The following ALMS1 variants were observed in gnomAD, a reference collection of about 807,000 sequenced individuals.
ALMS1 encodes ALMS1 centrosome and basal body associated protein.
In ALMS1, 271 loss-of-function variants were observed where a neutral mutation model predicts 352.2. That is an observed-to-expected ratio of 0.77 (90% CI 0.70 to 0.85). ALMS1 has a LOEUF of 0.85. ALMS1 is among the 40% of genes least tolerant of loss of function. The pLI, the probability that ALMS1 is intolerant of heterozygous loss-of-function variation, is 0.00. For synonymous variants in ALMS1, 1,865 were observed against 1,761.2 expected (o/e 1.06, Z -1.48); for missense variants, 5,445 against 4,870.7 (o/e 1.12, Z -3.51).
intron 7 of ALMS1, among the ~76,000 whole-genome samples, chr2:73,442,561 A>G (rs1012393841): frequency 7.2e-5 from 11 of 152,152 alleles, no homozygotes; most frequent in Non-Finnish European, 1.3e-4. Context: ...AATTTCTATT[A>G]TATACTTAAC....
At chr2:73,429,367 C>T (rs558591194) in intron 6 of ALMS1, among the ~76,000 whole-genome samples, 1 of 150,658 alleles carries the variant, frequency 6.6e-6, no homozygotes, top group South Asian at 2.1e-4. Context: ...CTGCAACCTC[C>T]ATCTCCTGGG....
At chr2:73,582,455 A>G (rs1196204529) in intron 16 of ALMS1, among the ~76,000 whole-genome samples, 2 of 152,200 alleles carry the variant, frequency 1.3e-5, no homozygotes, top group Non-Finnish European at 2.9e-5. Context: ...TATTCACACT[A>G]TGTTGAAACC....
chr2:73,475,104 T>TA (rs1672556675), intron 9 of ALMS1, among the ~76,000 whole-genome samples: 1 of 152,196 alleles, frequency 6.6e-6, no homozygotes, highest in African/African-American at 2.4e-5. Flanking sequence ...ATTGCCAAAT[T>TA]ACATTTCATT....
chr2:73,582,736 T>A (rs1354634906), intron 16 of ALMS1, among the ~76,000 whole-genome samples: 3 of 152,232 alleles, frequency 2.0e-5, no homozygotes, highest in Non-Finnish European at 4.4e-5. Context: ...TATGATATTC[T>A]ACTGTTTACA....
intron 10 of ALMS1, among the ~76,000 whole-genome samples, chr2:73,508,254 G>A (rs1005753533): frequency 1.4e-5 from 2 of 138,570 alleles, no homozygotes; most frequent in African/African-American, 5.5e-5. Flanking sequence ...CCAGGCTGGA[G>A]TGCAGTGGCG....
At chr2:73,562,820 G>A (rs1265867054) in intron 15 of ALMS1, among the ~76,000 whole-genome samples, 1 of 152,070 alleles carries the variant, frequency 6.6e-6, no homozygotes, top group Non-Finnish European at 1.5e-5. Flanking sequence ...CCGGGAGACA[G>A]AGGTTGCAGT....
intron 21 of ALMS1, chr2:73,603,532 A>G (rs1427586254): frequency 1.1e-5 from 6 of 524,816 alleles, no homozygotes; most frequent in Non-Finnish European, 6.9e-6. Flanking sequence ...TGCATGTCTT[A>G]GGCTCCTCTT....
At chr2:73,391,339 G>A (rs1274315236) in intron 1 of ALMS1, among the ~76,000 whole-genome samples, 1 of 134,842 alleles carries the variant, frequency 7.4e-6, no homozygotes, top group Non-Finnish European at 1.5e-5. Flanking sequence ...TGTCACCCAG[G>A]CTGGAGTGCA....
At chr2:73,562,083 G>A (rs140492253) in intron 15 of ALMS1, among the ~76,000 whole-genome samples, 1 of 152,196 alleles carries the variant, frequency 6.6e-6, no homozygotes, top group East Asian at 1.9e-4. Context: ...GATATCTGTT[G>A]TTGCCTCTAA....
chr2:73,460,614 C>T (rs919353008), intron 9 of ALMS1, among the ~76,000 whole-genome samples: 11 of 152,160 alleles, frequency 7.2e-5, no homozygotes, highest in South Asian at 4.1e-4. Context: ...TGCAGCGCAC[C>T]ATTCACAAGC....
chr2:73,583,704 G>A (rs1675248090), intron 16 of ALMS1, among the ~76,000 whole-genome samples: 1 of 152,108 alleles, frequency 6.6e-6, no homozygotes, highest in South Asian at 2.1e-4. Context: ...TTTGCATGTG[G>A]ATATCCAGTT....
intron 12 of ALMS1, among the ~76,000 whole-genome samples, chr2:73,543,322 G>T (rs1444962611): frequency 6.6e-6 from 1 of 152,172 alleles, no homozygotes; most frequent in African/African-American, 2.4e-5. Context: ...TATGTAGAAA[G>T]CTGAAAGTGG....
Position 73,424,845 on chromosome 2 carries a change from T to C in ALMS1, c.1180T>C (p.Tyr394His). The change falls in exon 5 of 23, where the codon TAT becomes CAT. Residue 394 changes from tyrosine to histidine, a missense_variant. Physicochemically the swap from Tyr to His is moderately conservative, Grantham distance 83. Coordinates refer to ENST00000613296, the MANE Select transcript of ALMS1 (RefSeq NM_001378454.1). Reference sequence around the variant, plus strand: ...TGACCATTTTGATGCTGCTCGTTCATATGGGCAGTATTGGACACAGGAAGA... The same window carrying C: ...TGACCATTTTGATGCTGCTCGTTCACATGGGCAGTATTGGACACAGGAAGA... The part of the protein sequence containing the change: ...RSDHFDAARS[Y>H]GQYWTQEDSS... The C allele has an allele frequency of 6.2e-7, 1 of 1,607,978 alleles. No individual in the cohort carries two copies. The highest frequency in any genetic ancestry group is 8.5e-7 in the Non-Finnish European group (1 of 1,176,170).
At chr2:73,416,980 C>T (rs1671192962) in intron 2 of ALMS1, among the ~76,000 whole-genome samples, 1 of 152,058 alleles carries the variant, frequency 6.6e-6, no homozygotes, top group South Asian at 2.1e-4. Context: ...GTAGTCCCAG[C>T]TACTCAGGAT....
At chr2:73,535,807 C>T (rs960070235) in intron 12 of ALMS1, among the ~76,000 whole-genome samples, 6 of 151,980 alleles carry the variant, frequency 3.9e-5, no homozygotes, top group Admixed American at 6.6e-5. Context: ...GAGTTGTCGA[C>T]GGGATATGAC....
At chr2:73,594,585 C>T (rs1252503773) in intron 16 of ALMS1, among the ~76,000 whole-genome samples, 2 of 152,296 alleles carry the variant, frequency 1.3e-5, no homozygotes, top group South Asian at 4.1e-4. Context: ...AATGACAGGC[C>T]ACCCTCTAAT....
intron 1 of ALMS1, among the ~76,000 whole-genome samples, chr2:73,389,395 G>C (rs1385883977): frequency 6.6e-6 from 1 of 152,074 alleles, no homozygotes; most frequent in African/African-American, 2.4e-5. Context: ...TAGGTTGTCT[G>C]TTTACTCTGT....
intron 15 of ALMS1, among the ~76,000 whole-genome samples, chr2:73,566,057 AATGT>A (rs1374158968): frequency 2.0e-5 from 3 of 152,202 alleles, no homozygotes; most frequent in African/African-American, 4.8e-5. Context: ...ATATTGTATT[AATGT>A]AAGGTGTTAA....
At position 73,572,756 on chromosome 2, in the gene ALMS1, G is replaced by A; in HGVS notation, c.10879G>A (p.Asp3627Asn). 1 of 1,614,058 alleles carries A rather than the reference G, an allele frequency of 6.2e-7. No individual in the cohort carries two copies. The highest frequency in any genetic ancestry group is 8.5e-7 in the Non-Finnish European group (1 of 1,179,980). ...LGDRKELSLV[D>N]RLDRLAKILQ... ...TGACAGGAAAGAACTGTCCTTGGTG[G>A]ACCGACTTGATCGTTTGGCTAAAAT... Residue 3627 changes from aspartate to asparagine, a missense_variant, in exon 16 of 23, where the codon GAC (aspartate) becomes AAC (asparagine). Asp to Asn is a conservative substitution (Grantham distance 23). Coordinates refer to ENST00000613296, the MANE Select transcript of ALMS1 (RefSeq NM_001378454.1).
Sources: gnomAD v4.1 joint callset for allele counts (sites outside exome capture counted in the v4.1 genomes callset) on GRCh38, gnomAD v4.1.1 for gene constraint, MANE v1.5 for transcripts, NCBI Gene and HGNC (gene_info 2026-07-23, HGNC 2026-07-21) for gene names.